The following DZIP3 variants were observed in gnomAD, a reference collection of about 807,000 sequenced individuals.
DZIP3 encodes the protein E3 ubiquitin-protein ligase DZIP3.
In DZIP3, 118 loss-of-function variants were observed where a neutral mutation model predicts 162.0. The ratio of observed to expected loss-of-function variants is 0.73; its 90% confidence interval spans 0.63 to 0.85. The LOEUF is 0.85. Ranked by LOEUF, DZIP3 falls within the 40% of genes least tolerant of loss-of-function variation. DZIP3 has a pLI of 0.00. For missense variants in DZIP3, 1,331 were observed against 1,407.0 expected (o/e 0.95, Z 0.86); for synonymous variants, 438 against 458.6 (o/e 0.96, Z 0.57).
Position 108,631,008 on chromosome 3 carries a change from T to TACACAC in DZIP3, c.696+1875_696+1880dup, listed in dbSNP as rs779771238. ...GAGTTTAGCTTGCTTATACATCCCC[T>TACACAC]ACACACACACACACACACACACACA... On this transcript the variant is annotated intron_variant, in intron 8 of 32. Coordinates refer to ENST00000361582, the MANE Select transcript of DZIP3 (RefSeq NM_014648.4). 6.0e-3 allele frequency among the ~76,000 whole-genome samples: 166 copies of TACACAC among 27,440 alleles called. 18 individuals are homozygous for TACACAC. The highest frequency in any genetic ancestry group is 0.018 in the African/African-American group (94 of 5,238). The allele number at this position is 27,440 out of a possible 152,430, so 18.0% of individuals were successfully genotyped here.
chr3:108,619,819 A>G (rs896788569), intron 5 of DZIP3, among the ~76,000 whole-genome samples: 1 of 151,966 alleles, frequency 6.6e-6, no homozygotes, highest in Admixed American at 6.6e-5. Flanking sequence ...AACCATCACA[A>G]ATACAATGGA....
chr3:108,655,758 G>GGTGACA (rs960056207), intron 19 of DZIP3, among the ~76,000 whole-genome samples: 6 of 152,124 alleles, frequency 3.9e-5, no homozygotes, highest in African/African-American at 1.4e-4. Context: ...CCAAGGAAAG[G>GGTGACA]GTGACAGATG....
In DZIP3 at chr3:108,690,910, G is replaced by T. The variant is rs756072861; in HGVS notation, c.*6+7G>T. On this transcript the variant is annotated splice_region_variant and intron_variant, in intron 32 of 32. Transcript: ENST00000361582. ...GCCCAAGATCTGATACAAGGTCGGGGTGTCTATGCAAAGGAAGCTCAGTTT... is the reference window on the plus strand; with the variant it reads ...GCCCAAGATCTGATACAAGGTCGGGTTGTCTATGCAAAGGAAGCTCAGTTT... The T allele has an allele frequency of 8.7e-6, 14 of 1,612,632 alleles. 1 individual carries two copies. The highest frequency in any genetic ancestry group is 6.6e-5 in the South Asian group (6 of 91,032).
chr3:108,680,668 T>C (rs1200943962), intron 26 of DZIP3, among the ~76,000 whole-genome samples: 1 of 151,968 alleles, frequency 6.6e-6, no homozygotes, highest in Non-Finnish European at 1.5e-5. Flanking sequence ...ATCATATTCA[T>C]GGATAAGAAG....
intron 12 of DZIP3, among the ~76,000 whole-genome samples, chr3:108,642,140 A>G (rs551720691): frequency 6.6e-6 from 1 of 152,218 alleles, no homozygotes; most frequent in Non-Finnish European, 1.5e-5. Context: ...TTTGTCTTAC[A>G]ATGCAAAGCT....
chr3:108,686,612 T>G (rs775495698), intron 28 of DZIP3, 28 bp downstream of exon 28: 28 of 1,513,068 alleles, frequency 1.9e-5, no homozygotes, highest in Non-Finnish European at 2.4e-5. Flanking sequence ...TATTGGTGGG[T>G]ACAGATCATA....
Position 108,662,226 on chromosome 3 carries a change from C to G in DZIP3, c.2392C>G (p.Gln798Glu). The G allele has an allele frequency of 6.3e-7, 1 of 1,597,376 alleles. No individual in the cohort carries two copies. Among genetic ancestry groups the G allele is most frequent in the Non-Finnish European group, 8.5e-7 (1 of 1,175,818 alleles). Residue 798 changes from glutamine to glutamate, a missense_variant, in exon 21 of 33, where the codon CAA becomes GAA. Gln to Glu is a conservative substitution (Grantham distance 29, BLOSUM62 2). This residue lies in a region of DZIP3 where 1,278 missense variants were observed against 1,317.1 expected (regional missense o/e 0.97). Transcript: ENST00000361582. ...KDKIIASLNQ[Q>E]VAFGINKVSK... Reference sequence around the variant, plus strand: ...CAAAATTATCGCATCTCTTAATCAACAAGTTGCTTTTGGAATCAATAAGGT... The same window carrying G: ...CAAAATTATCGCATCTCTTAATCAAGAAGTTGCTTTTGGAATCAATAAGGT...
At chr3:108,664,007 C>T (rs955153982) in intron 21 of DZIP3, among the ~76,000 whole-genome samples, 1 of 152,208 alleles carries the variant, frequency 6.6e-6, no homozygotes, top group African/African-American at 2.4e-5. Flanking sequence ...CTATTCCTCA[C>T]AGCTGTTTCT....
intron 19 of DZIP3, among the ~76,000 whole-genome samples, chr3:108,657,320 T>TG (rs1471135158): frequency 6.6e-6 from 1 of 151,868 alleles, no homozygotes; most frequent in Non-Finnish European, 1.5e-5. Context: ...CAGAAGAGAG[T>TG]GGGGGCCAAT....
intron 26 of DZIP3, among the ~76,000 whole-genome samples, chr3:108,683,245 T>A (rs1039659106): frequency 6.6e-6 from 1 of 150,950 alleles, no homozygotes; most frequent in Non-Finnish European, 1.5e-5. Context: ...AAGAAAATTA[T>A]AATTTTTAAT....
At chr3:108,628,036 G>T (rs1281088525) in intron 7 of DZIP3, among the ~76,000 whole-genome samples, 2 of 152,060 alleles carry the variant, frequency 1.3e-5, no homozygotes, top group Admixed American at 1.3e-4. Flanking sequence ...GCGCCATCAT[G>T]CCTGGCTCAT....
Position 108,662,448 on chromosome 3 carries a change from A to G in DZIP3, c.2423+191A>G, listed in dbSNP as rs893720612. Among the ~76,000 whole-genome samples, 44 of 152,248 alleles carry G rather than the reference A, an allele frequency of 2.9e-4. 1 individual carries two copies. Among genetic ancestry groups the G allele is most frequent in the Admixed American group, 9.8e-4 (15 of 15,282 alleles). On this transcript the variant is annotated intron_variant, in intron 21 of 32. Coordinates refer to ENST00000361582, the MANE Select transcript of DZIP3 (RefSeq NM_014648.4). ...TGGATTGAGAAATAAGCAGCTGCTCACACTATATATCAAGCTTTTCATGTA... is the reference window on the plus strand; with the variant it reads ...TGGATTGAGAAATAAGCAGCTGCTCGCACTATATATCAAGCTTTTCATGTA...
chr3:108,621,342 T>C (rs1473941493), intron 5 of DZIP3, among the ~76,000 whole-genome samples: 1 of 152,166 alleles, frequency 6.6e-6, no homozygotes, highest in Non-Finnish European at 1.5e-5. Context: ...TTTTATGGGG[T>C]ATGTGAGATA....
At chr3:108,672,712 A>C (rs1310314421) in intron 23 of DZIP3, 56 bp downstream of exon 23, 22 of 1,280,238 alleles carry the variant, frequency 1.7e-5, no homozygotes, top group Non-Finnish European at 2.4e-5. Context: ...TTACTTGTAT[A>C]CCATCATACT....
intron 18 of DZIP3, among the ~76,000 whole-genome samples, chr3:108,651,555 C>T (rs1450273905): frequency 1.3e-5 from 2 of 151,502 alleles, no homozygotes; most frequent in Non-Finnish European, 3.0e-5. Context: ...TAGGTTATGC[C>T]ATATAGCCTA....
intron 19 of DZIP3, among the ~76,000 whole-genome samples, chr3:108,657,341 C>A (rs539272324): frequency 1.3e-5 from 2 of 152,254 alleles, no homozygotes; most frequent in South Asian, 4.2e-4. Context: ...ATTCAACATT[C>A]TTAAAGAAAA....
At chr3:108,686,941 T>C (rs553791127) in intron 28 of DZIP3, among the ~76,000 whole-genome samples, 1 of 152,128 alleles carries the variant, frequency 6.6e-6, no homozygotes, top group Non-Finnish European at 1.5e-5. Flanking sequence ...GTATGCTATA[T>C]AAGCCCAAAC....
chr3:108,644,473 A>G lies in DZIP3; in HGVS notation c.1451A>G (p.Lys484Arg), dbSNP rs1162441127. 3 of 1,613,932 alleles carry G rather than the reference A, an allele frequency of 1.9e-6. No homozygotes were observed. The highest frequency in any genetic ancestry group is 2.5e-6 in the Non-Finnish European group (3 of 1,179,976). The change falls in exon 14 of 33, where the codon AAA becomes AGA. Residue 484 changes from lysine to arginine, a missense_variant. Transcript: ENST00000361582. ...IKHLNVFPAP[K>R]KGWNMEPPSS... The stretch of plus-strand genomic sequence containing the variant: ...CATTTAAATGTGTTCCCTGCACCCA[A>G]AAAAGGATGGAATATGGAACCGCCA...
At position 108,662,150 on chromosome 3, in the gene DZIP3, A is replaced by C. The variant is rs1030674988; in HGVS notation, c.2316A>C (p.Arg772Ser). The change falls in exon 21 of 33, where the codon AGA becomes AGC. Residue 772 changes from arginine (R) to serine (S), a missense_variant. Physicochemically the swap from Arg to Ser is moderately radical, Grantham distance 110 (BLOSUM62 -1). Around this residue, in one of 2 missense-constraint regions of DZIP3, gnomAD observed 1,278 missense variants for 1,317.1 expected, o/e 0.97. Coordinates refer to ENST00000361582, the MANE Select transcript of DZIP3 (RefSeq NM_014648.4). Reference protein sequence around the residue: ...YQCEDFKRQLRTVTFRWQENQ... With the variant: ...YQCEDFKRQLSTVTFRWQENQ... ...ATCAGGATTTCAAAAGACAGTTGAG[A>C]ACAGTGACTTTTCGGTGGCAAGAAA... 2 of 1,606,526 alleles carry C rather than the reference A, an allele frequency of 1.2e-6. No homozygotes were observed. Among genetic ancestry groups the C allele is most frequent in the African/African-American group, 2.7e-5 (2 of 74,318 alleles).
Sources: gnomAD v4.1 joint callset for allele counts (sites outside exome capture counted in the v4.1 genomes callset) on GRCh38, gnomAD v4.1.1 for gene constraint, gnomAD v4.1.1 regional missense constraint, MANE v1.5 for transcripts, NCBI Gene and HGNC (gene_info 2026-07-23, HGNC 2026-07-21) for gene names.